The following P3H2 variants were observed in gnomAD, a reference collection of about 807,000 sequenced individuals.
The protein encoded by P3H2 is leprecan-like 1.
P3H2 carries 80 observed loss-of-function variants against 87.0 expected under a neutral mutation model. That is an observed-to-expected ratio of 0.92 (90% confidence interval 0.77 to 1.11). The LOEUF is 1.11. Ranked by LOEUF, P3H2 falls within the 50% of genes least tolerant of loss-of-function variation. The pLI is 0.00. For missense variants in P3H2, 1,001 were observed against 923.9 expected (o/e 1.08, Z -1.08); for synonymous variants, 367 against 359.3 (o/e 1.02, Z -0.24).
intron 6 of P3H2, among the ~76,000 whole-genome samples, chr3:189,986,421 C>T (rs1327142047): frequency 6.6e-6 from 1 of 151,882 alleles, no homozygotes; most frequent in African/African-American, 2.4e-5. Context: ...CCCATCTCTA[C>T]TAAAAATACA....
At chr3:190,090,536 T>C (rs975344806) in intron 1 of P3H2, among the ~76,000 whole-genome samples, 1 of 152,032 alleles carries the variant, frequency 6.6e-6, no homozygotes, top group African/African-American at 2.4e-5. Flanking sequence ...ACCCCGTCTC[T>C]ACTAAAAATA....
intron 13 of P3H2, among the ~76,000 whole-genome samples, chr3:189,968,234 A>G (rs1326895691): frequency 2.0e-5 from 3 of 152,028 alleles, no homozygotes; most frequent in Non-Finnish European, 4.4e-5. Flanking sequence ...TATCTACATT[A>G]AGTATTTCTC....
intron 1 of P3H2, among the ~76,000 whole-genome samples, chr3:190,091,689 A>G (rs2108986053): frequency 6.6e-6 from 1 of 152,372 alleles, no homozygotes; most frequent in South Asian, 2.1e-4. Context: ...AGGCTTTTTA[A>G]AGAGTACATA....
chr3:189,975,934 T>C (rs1251672541), intron 8 of P3H2, among the ~76,000 whole-genome samples: 2 of 152,358 alleles, frequency 1.3e-5, no homozygotes, highest in African/African-American at 2.4e-5. Flanking sequence ...TTTACTTCTA[T>C]ATATGCAATC....
chr3:189,998,140 C>G (rs936898963), intron 1 of P3H2, among the ~76,000 whole-genome samples: 1 of 151,892 alleles, frequency 6.6e-6, no homozygotes, highest in Non-Finnish European at 1.5e-5. Flanking sequence ...GAATCTGCTC[C>G]CATTAATGAA....
chr3:189,966,581 G>A (rs1167165601), intron 13 of P3H2, among the ~76,000 whole-genome samples: 2 of 152,210 alleles, frequency 1.3e-5, no homozygotes, highest in Non-Finnish European at 2.9e-5. Flanking sequence ...CTGCTTCCAT[G>A]TGTGACATTG....
At position 189,974,681 on chromosome 3, in the gene P3H2, AC is replaced by A. The variant is rs778079243; in HGVS notation, c.1328del (p.Gly443ValfsTer17). On this transcript the variant is annotated frameshift_variant, in exon 9 of 15. Transcript: ENST00000319332. LOFTEE classifies it high-confidence loss of function. ...ATGTGATGTTCTCATAGAGTAGAGG[AC>A]CACCTACAGGAACAGAGCACATTGT... ...PKIDRDLREG[G>X]PLLYENITFV... is the part of the protein sequence containing the mutation. 1.1e-5 allele frequency: 17 copies of A among 1,614,028 alleles called. No homozygotes were observed. Among genetic ancestry groups the A allele is most frequent in the African/African-American group, 2.7e-5 (2 of 74,922 alleles).
chr3:189,971,358 G>A (rs546044856), intron 12 of P3H2, among the ~76,000 whole-genome samples: 1 of 152,196 alleles, frequency 6.6e-6, no homozygotes, highest in Non-Finnish European at 1.5e-5. Context: ...AAATGTTTTG[G>A]AATCGAGTAC....
chr3:190,032,904 T>G (rs1725301971), intron 1 of P3H2, among the ~76,000 whole-genome samples: 1 of 152,190 alleles, frequency 6.6e-6, no homozygotes, highest in African/African-American at 2.4e-5. Context: ...ATTGTGCACT[T>G]TATTTCTATT....
chr3:189,974,336 C>A, intron 9 of P3H2: 1 of 644,824 alleles, frequency 1.6e-6, no homozygotes, highest in Non-Finnish European at 2.7e-6. Context: ...GGCTGTTGGG[C>A]TAGGAAATAT....
intron 1 of P3H2, among the ~76,000 whole-genome samples, chr3:190,064,063 C>T (rs1726418556): frequency 6.8e-6 from 1 of 146,386 alleles, no homozygotes; most frequent in Non-Finnish European, 1.5e-5. Flanking sequence ...GCAATCATAG[C>T]TCACTGTAGT....
At chr3:190,093,039 A>G (rs959787208) in intron 1 of P3H2, among the ~76,000 whole-genome samples, 2 of 152,190 alleles carry the variant, frequency 1.3e-5, no homozygotes, top group Non-Finnish European at 2.9e-5. Flanking sequence ...TCCCTTTATT[A>G]GAGCTTTCCT....
At chr3:189,987,481 A>AG in intron 5 of P3H2, 46 bp downstream of exon 5, 2 of 605,174 alleles carry the variant, frequency 3.3e-6, no homozygotes. Context: ...CTCTGTCTTA[A>AG]AAAAAAAAAA....
intron 1 of P3H2, among the ~76,000 whole-genome samples, chr3:190,096,520 C>T (rs991334829): frequency 6.6e-6 from 1 of 152,194 alleles, no homozygotes; most frequent in Non-Finnish European, 1.5e-5. Flanking sequence ...CTCTTTTCTT[C>T]ATAAATGACC....
chr3:189,992,908 AT>A (rs1244112533), intron 3 of P3H2, among the ~76,000 whole-genome samples: 1 of 152,308 alleles, frequency 6.6e-6, no homozygotes, highest in East Asian at 1.9e-4. Flanking sequence ...CCTATAAAAT[AT>A]TTTGCAATAC....
chr3:189,986,678 C>A, intron 6 of P3H2, 110 bp downstream of exon 6: 1 of 792,866 alleles, frequency 1.3e-6, no homozygotes, highest in Non-Finnish European at 2.2e-6. Context: ...AGGAGGGCAT[C>A]GAAATCTTAG....
intron 1 of P3H2, among the ~76,000 whole-genome samples, chr3:190,000,511 T>C (rs1167929451): frequency 6.6e-6 from 1 of 152,210 alleles, no homozygotes; most frequent in Admixed American, 6.5e-5. Flanking sequence ...TTAAGTGCTA[T>C]GAAGAAATAA....
intron 14 of P3H2, among the ~76,000 whole-genome samples, chr3:189,962,034 G>A (rs146575193): frequency 1.2e-4 from 18 of 152,194 alleles, no homozygotes; most frequent in African/African-American, 4.3e-4. Context: ...CTAACATTTT[G>A]GAGATGGAAA....
intron 1 of P3H2, among the ~76,000 whole-genome samples, chr3:190,033,698 A>C (rs1403742507): frequency 6.6e-6 from 1 of 152,192 alleles, no homozygotes; most frequent in Non-Finnish European, 1.5e-5. Flanking sequence ...AAAAGTCCCA[A>C]AAGAAGTAAC....
Sources: gnomAD v4.1 joint callset for allele counts (sites outside exome capture counted in the v4.1 genomes callset) on GRCh38, gnomAD v4.1.1 for gene constraint, MANE v1.5 for transcripts, NCBI Gene and HGNC (gene_info 2026-07-23, HGNC 2026-07-21) for gene names.